ZNF831: variants seen among roughly 807,000 people sequenced by gnomAD.
The protein encoded by ZNF831 is chromosome 20 open reading frame 174.
Under a neutral mutation model 95.8 loss-of-function variants are expected in ZNF831, and 59 were observed. The observed-to-expected ratio is 0.62, with a 90% CI of 0.50 to 0.77. The LOEUF is 0.77. ZNF831 is among the 30% of genes least tolerant of loss of function. ZNF831 has a pLI of 0.00. For synonymous variants in ZNF831, 961 were observed against 925.5 expected (o/e 1.04, Z -0.70); for missense variants, 2,205 against 2,164.0 (o/e 1.02, Z -0.38).
chr20:59,239,019 T>C (rs1387462262), intron 4 of ZNF831, among the ~76,000 whole-genome samples: 2 of 152,200 alleles, frequency 1.3e-5, no homozygotes, highest in Non-Finnish European at 2.9e-5. Context: ...AATAGAAGTT[T>C]TGAAGGTTGC....
intron 4 of ZNF831, among the ~76,000 whole-genome samples, chr20:59,234,570 C>T (rs1986898602): frequency 6.6e-6 from 1 of 152,166 alleles, no homozygotes; most frequent in Admixed American, 6.5e-5. Flanking sequence ...AGAGGAAGAG[C>T]TGTATTGTCC....
chr20:59,213,739 T>G (rs1324608350), intron 4 of ZNF831, among the ~76,000 whole-genome samples: 3 of 152,148 alleles, frequency 2.0e-5, no homozygotes, highest in Non-Finnish European at 4.4e-5. Context: ...AAAAATCCAG[T>G]GGGTTACCAG....
At chr20:59,125,453 C>G (rs572517240) in intron 1 of ZNF831, among the ~76,000 whole-genome samples, 29 of 152,266 alleles carry the variant, frequency 1.9e-4, no homozygotes, top group Admixed American at 9.2e-4. Flanking sequence ...TCCCCACCCC[C>G]CCGCAGCATC....
At chr20:59,172,461 C>T (rs889043802) in intron 1 of ZNF831, among the ~76,000 whole-genome samples, 26 of 152,140 alleles carry the variant, frequency 1.7e-4, no homozygotes, top group African/African-American at 6.0e-4. Context: ...TTCGGGGATG[C>T]GGATGCTCCC....
At chr20:59,232,994 G>GCACGCA (rs1555834553) in intron 4 of ZNF831, among the ~76,000 whole-genome samples, 1 of 122,990 alleles carries the variant, frequency 8.1e-6, no homozygotes, top group African/African-American at 3.1e-5. Flanking sequence ...GGACCCTGAG[G>GCACGCA]CACACACACA....
chr20:59,228,546 G>A (rs1489336577), intron 4 of ZNF831, among the ~76,000 whole-genome samples: 1 of 152,082 alleles, frequency 6.6e-6, no homozygotes, highest in Admixed American at 6.5e-5. Context: ...CCTAGGCCTA[G>A]TGAGGCCATC....
At chr20:59,175,824 C>G (rs935732961) in intron 1 of ZNF831, among the ~76,000 whole-genome samples, 2 of 152,180 alleles carry the variant, frequency 1.3e-5, no homozygotes, top group Non-Finnish European at 2.9e-5. Flanking sequence ...TTAATTGAGA[C>G]TTGGACATTT....
rs1256589398 is a variant in ZNF831, at chr20:59,169,992, A to G, written c.-37+5785A>G. Reference sequence around the variant, plus strand: ...TTATTTTTCTGTTTTGATTTGACCTATTTCTTCTCCTACCTTTATTATCTC... The same window carrying G: ...TTATTTTTCTGTTTTGATTTGACCTGTTTCTTCTCCTACCTTTATTATCTC... On this transcript the variant is annotated intron_variant, in intron 1 of 5. Transcript: ENST00000371030. This position sits in a 1 kb window ranked among gnomAD's most constrained non-coding sequence, Gnocchi z 4.1. 6.6e-6 allele frequency among the ~76,000 whole-genome samples: 1 copy of G among 151,542 alleles called. No individual in the cohort carries two copies. The highest frequency in any genetic ancestry group is 2.4e-5 in the African/African-American group (1 of 41,178).
In ZNF831 at chr20:59,194,570, C is replaced by T. The variant is rs750421316; in HGVS notation, c.3551C>T (p.Thr1184Met). ...FPSLKAEPRLTWCCLSRSVPL... is the reference protein window; with the variant it reads ...FPSLKAEPRLMWCCLSRSVPL... ...TCACTGAAGGCTGAGCCGCGGCTCACGTGGTGTTGCCTGAGCCGCAGTGTC... is the reference window on the plus strand; with the variant it reads ...TCACTGAAGGCTGAGCCGCGGCTCATGTGGTGTTGCCTGAGCCGCAGTGTC... Residue 1184 changes from threonine to methionine, a missense_variant, in exon 2 of 6, where the codon ACG becomes ATG. By Grantham distance (81) the Thr-to-Met change is moderately conservative. Coordinates refer to ENST00000371030, the MANE Select transcript of ZNF831 (RefSeq NM_178457.3). The T allele has an allele frequency of 5.0e-6, 8 of 1,607,764 alleles. 1 individual carries two copies. The highest frequency in any genetic ancestry group is 3.3e-5 in the South Asian group (3 of 90,180).
upstream of ZNF831, among the ~76,000 whole-genome samples, chr20:59,161,322 G>A (rs1980848043): frequency 6.6e-6 from 1 of 151,886 alleles, no homozygotes; most frequent in Admixed American, 6.6e-5. Flanking sequence ...CTGTAGTCCG[G>A]GCTGGAGTGC....
In ZNF831 at chr20:59,191,828, G is replaced by C. The variant is rs1223848400; in HGVS notation, c.809G>C (p.Gly270Ala). The part of the protein sequence containing the change: ...DVRTEAAPCP[G>A]SAFADREAPW... Reference sequence around the variant, plus strand: ...AGGACCGAAGCTGCTCCCTGTCCAGGGTCCGCATTTGCCGACAGAGAGGCT... The same window carrying C: ...AGGACCGAAGCTGCTCCCTGTCCAGCGTCCGCATTTGCCGACAGAGAGGCT... The change falls in exon 2 of 6, where the codon GGG becomes GCG. Residue 270 changes from glycine to alanine, a missense_variant. Gly to Ala is a moderately conservative substitution (Grantham distance 60). Transcript: ENST00000371030. The C allele has an allele frequency of 6.2e-7, 1 of 1,613,466 alleles. No individual in the cohort carries two copies. The highest frequency in any genetic ancestry group is 8.5e-7 in the Non-Finnish European group (1 of 1,179,984).
At chr20:59,235,369 T>C (rs900961613) in intron 4 of ZNF831, among the ~76,000 whole-genome samples, 3 of 152,200 alleles carry the variant, frequency 2.0e-5, no homozygotes, top group Non-Finnish European at 4.4e-5. Flanking sequence ...ACCTGCCTCA[T>C]CTCTCTGCTG....
At chr20:59,156,872 A>C (rs147626868) in intron 2 of ZNF831, among the ~76,000 whole-genome samples, 128 of 152,376 alleles carry the variant, frequency 8.4e-4, no homozygotes, top group Admixed American at 5.9e-3. Context: ...TCTCAACTAA[A>C]TATTTTTTTA....
intron 1 of ZNF831, among the ~76,000 whole-genome samples, chr20:59,179,021 A>C (rs995514619): frequency 6.6e-6 from 1 of 152,164 alleles, no homozygotes; most frequent in Non-Finnish European, 1.5e-5. Flanking sequence ...AAGGACTTGA[A>C]GGGCGGGGGG....
At chr20:59,133,598 C>A (rs1366103190) in intron 1 of ZNF831, among the ~76,000 whole-genome samples, 2 of 152,132 alleles carry the variant, frequency 1.3e-5, no homozygotes, top group Non-Finnish European at 2.9e-5. Context: ...GAATAGAAAG[C>A]ATGGATTTTG....
At chr20:59,127,380 C>T (rs1308537748) in intron 1 of ZNF831, among the ~76,000 whole-genome samples, 3 of 152,184 alleles carry the variant, frequency 2.0e-5, no homozygotes, top group Non-Finnish European at 4.4e-5. Context: ...TCAGTCAGGT[C>T]ATGCTGCTCT....
At chr20:59,132,975 C>T (rs1016678376) in intron 1 of ZNF831, among the ~76,000 whole-genome samples, 18 of 152,260 alleles carry the variant, frequency 1.2e-4, no homozygotes, top group Admixed American at 5.9e-4. Flanking sequence ...TCCTGCATGA[C>T]GTCCGTAGGA....
chr20:59,233,045 T>C lies in ZNF831; in HGVS notation c.4028-19933T>C, dbSNP rs6026772. On this transcript the variant is annotated intron_variant, in intron 4 of 5. Transcript: ENST00000371030. Reference sequence around the variant, plus strand: ...ACACACACACACACACACACACACATAGAGAGAGAGAGACAGACAGAGACA... The same window carrying C: ...ACACACACACACACACACACACACACAGAGAGAGAGAGACAGACAGAGACA... Among the ~76,000 whole-genome samples the C allele has an allele frequency of 5.9e-3, 651 of 109,488 alleles. 2 individuals are homozygous for C. Among genetic ancestry groups the C allele is most frequent in the Non-Finnish European group, 8.8e-3 (413 of 47,144 alleles). The allele number at this position is 109,488 out of a possible 152,430, so 71.8% of individuals were successfully genotyped here.
intron 4 of ZNF831, among the ~76,000 whole-genome samples, chr20:59,246,974 C>T (rs1987642421): frequency 6.6e-6 from 1 of 152,168 alleles, no homozygotes; most frequent in African/African-American, 2.4e-5. Context: ...ATTCTCTCTG[C>T]CTGAGAGGAA....
Sources: allele counts gnomAD v4.1 joint callset (sites outside exome capture counted in the v4.1 genomes callset), GRCh38; gene constraint gnomAD v4.1.1; non-coding constraint Gnocchi (gnomAD v3.1); transcripts MANE v1.5; gene names NCBI Gene and HGNC (gene_info 2026-07-23, HGNC 2026-07-21).